Variants in SUMF1 observed in about 807,000 individuals in gnomAD.
SUMF1 encodes sulfatase modifying factor 1.
SUMF1 carries 48 observed loss-of-function variants against 47.6 expected under a neutral mutation model. The ratio of observed to expected loss-of-function variants is 1.01; its 90% CI spans 0.80 to 1.28. The LOEUF is 1.28. SUMF1 is among the 50% of genes most tolerant of loss of function. The pLI, the probability that SUMF1 is intolerant of heterozygous loss-of-function variation, is 0.00. For synonymous variants in SUMF1, 230 were observed against 192.1 expected (o/e 1.20, Z -1.63); for missense variants, 571 against 485.4 (o/e 1.18, Z -1.66).
intron 8 of SUMF1, among the ~76,000 whole-genome samples, chr3:4,233,958 G>A (rs1185858788): frequency 1.3e-5 from 2 of 152,032 alleles, no homozygotes; most frequent in Non-Finnish European, 2.9e-5. Context: ...TACCTAATTA[G>A]CAATTAACTC....
At chr3:4,401,875 T>G (rs1458604776) in intron 7 of SUMF1, among the ~76,000 whole-genome samples, 1 of 152,132 alleles carries the variant, frequency 6.6e-6, no homozygotes, top group Non-Finnish European at 1.5e-5. Flanking sequence ...TGATACACTG[T>G]GAAAAGGTAA....
Position 4,050,796 on chromosome 3 carries a change from AAAAAGAAAAATGTAATGATGT to A in SUMF1, c.1191+17752_1191+17772del, listed in dbSNP as rs541093398. 6.0e-3 allele frequency among the ~76,000 whole-genome samples: 906 copies of A among 151,614 alleles called. 3 individuals carry two copies. The highest frequency in any genetic ancestry group is 0.017 in the South Asian group (83 of 4,812). ...GAAAAAAGAAAAGAAAAAGAAAAAG[AAAAAGAAAAATGTAATGATGT>A]ACATGAAAGCACCCATCATAGGGCC... On this transcript the variant is annotated intron_variant and NMD_transcript_variant, in intron 9 of 12. Transcript: ENST00000448413.
Position 4,218,159 on chromosome 3 carries a change from A to T in SUMF1, c.1015-149414T>A, listed in dbSNP as rs73120074. Among the ~76,000 whole-genome samples the T allele has an allele frequency of 9.2e-3, 1,404 of 152,160 alleles. 23 individuals carry two copies. The highest frequency in any genetic ancestry group is 0.032 in the African/African-American group (1,337 of 41,526). The stretch of plus-strand genomic sequence containing the variant: ...GAAGATCGGGTGAAGACACTGGAAG[A>T]AGGCCATTTATAAGCCAAAGAGAGA... On this transcript the variant is annotated intron_variant and NMD_transcript_variant, in intron 8 of 12. Coordinates refer to the SUMF1 transcript ENST00000448413.
At chr3:4,122,612 A>G (rs752023486) in intron 8 of SUMF1, among the ~76,000 whole-genome samples, 2 of 152,226 alleles carry the variant, frequency 1.3e-5, no homozygotes, top group Non-Finnish European at 2.9e-5. Flanking sequence ...AAAACTGGAC[A>G]TAGGGATGAA....
chr3:4,059,525 T>C (rs1311853621), intron 9 of SUMF1, among the ~76,000 whole-genome samples: 1 of 152,160 alleles, frequency 6.6e-6, no homozygotes, highest in Non-Finnish European at 1.5e-5. Flanking sequence ...CTCTTAAACC[T>C]CTACAGCTGC....
intron 8 of SUMF1, among the ~76,000 whole-genome samples, chr3:4,372,894 C>G (rs1400040707): frequency 6.6e-6 from 1 of 152,120 alleles, no homozygotes; most frequent in African/African-American, 2.4e-5. Flanking sequence ...ACAGATATAA[C>G]CAGACTGATG....
chr3:4,071,426 A>G (rs1419046717), intron 8 of SUMF1, among the ~76,000 whole-genome samples: 1 of 152,150 alleles, frequency 6.6e-6, no homozygotes, highest in Non-Finnish European at 1.5e-5. Context: ...AACAGGAGGA[A>G]CAGTACACTC....
chr3:4,459,446 A>G (rs2079753358), intron 1 of SUMF1, among the ~76,000 whole-genome samples: 1 of 152,242 alleles, frequency 6.6e-6, no homozygotes, highest in Non-Finnish European at 1.5e-5. Context: ...CAGAAGCATT[A>G]GAAAAATAAC....
intron 8 of SUMF1, among the ~76,000 whole-genome samples, chr3:4,258,760 T>C (rs1173522089): frequency 5.0e-4 from 70 of 140,528 alleles, no homozygotes; most frequent in Non-Finnish European, 8.8e-4. Context: ...ATCCCATTAC[T>C]GGGTATATAC....
At chr3:4,239,383 A>G (rs1559600307) in intron 8 of SUMF1, among the ~76,000 whole-genome samples, 1 of 151,988 alleles carries the variant, frequency 6.6e-6, no homozygotes, top group Non-Finnish European at 1.5e-5. Context: ...CATTTTCATG[A>G]TATTGATTAC....
At chr3:4,087,456 G>T (rs1309680447) in intron 8 of SUMF1, among the ~76,000 whole-genome samples, 1 of 152,102 alleles carries the variant, frequency 6.6e-6, no homozygotes, top group Non-Finnish European at 1.5e-5. Context: ...CTCAGTAAAA[G>T]GCAGTCAGTC....
At chr3:4,338,096 T>G (rs1329795465) in intron 8 of SUMF1, among the ~76,000 whole-genome samples, 2 of 152,204 alleles carry the variant, frequency 1.3e-5, no homozygotes, top group African/African-American at 4.8e-5. Context: ...ATTGACTATT[T>G]TGAGTAGTAA....
intron 8 of SUMF1, among the ~76,000 whole-genome samples, chr3:4,077,825 A>C (rs1692473382): frequency 6.6e-6 from 1 of 152,116 alleles, no homozygotes; most frequent in South Asian, 2.1e-4. Flanking sequence ...CTGGCATTAA[A>C]CTATATAAGA....
intron 8 of SUMF1, among the ~76,000 whole-genome samples, chr3:4,270,543 G>T (rs1697283297): frequency 6.6e-6 from 1 of 151,974 alleles, no homozygotes; most frequent in Non-Finnish European, 1.5e-5. Flanking sequence ...AATTCTTAAG[G>T]ATTCTGCCAT....
chr3:4,038,754 G>A (rs1449523279), intron 9 of SUMF1, among the ~76,000 whole-genome samples: 1 of 152,208 alleles, frequency 6.6e-6, no homozygotes, highest in Non-Finnish European at 1.5e-5. Flanking sequence ...TGTGGCAGTG[G>A]AAGAGAGGCA....
In SUMF1 at chr3:4,051,881, C is replaced by T. The variant is rs570731805; in HGVS notation, c.1191+16688G>A. On this transcript the variant is annotated intron_variant and NMD_transcript_variant, in intron 9 of 12. Coordinates refer to the SUMF1 transcript ENST00000448413. The stretch of plus-strand genomic sequence containing the variant: ...CCTGCAGCCTAAGTGGTAAACCGGT[C>T]TGAGTAAGGTCAGTACTGCACTTTA... 2.8e-4 allele frequency among the ~76,000 whole-genome samples: 43 copies of T among 152,256 alleles called. 2 individuals carry two copies. In the South Asian group the frequency reaches 8.9e-3, roughly 32 times the overall value.
At chr3:4,275,178 T>C (rs1355321063) in intron 8 of SUMF1, among the ~76,000 whole-genome samples, 1 of 152,118 alleles carries the variant, frequency 6.6e-6, no homozygotes, top group East Asian at 1.9e-4. Context: ...AAAGACCTGA[T>C]CGTGGTAGAA....
At chr3:4,228,203 A>T (rs1696216315) in intron 8 of SUMF1, among the ~76,000 whole-genome samples, 1 of 152,104 alleles carries the variant, frequency 6.6e-6, no homozygotes, top group Non-Finnish European at 1.5e-5. Flanking sequence ...TCTTCAGTTT[A>T]TCTTATGATT....
At chr3:4,147,832 A>C (rs921813009) in intron 8 of SUMF1, among the ~76,000 whole-genome samples, 1 of 152,120 alleles carries the variant, frequency 6.6e-6, no homozygotes, top group Non-Finnish European at 1.5e-5. Context: ...TCCTATAATA[A>C]GCAATAATTT....
Sources: allele counts gnomAD v4.1 joint callset (sites outside exome capture counted in the v4.1 genomes callset), GRCh38; gene constraint gnomAD v4.1.1; transcripts MANE v1.5; gene names NCBI Gene and HGNC (gene_info 2026-07-23, HGNC 2026-07-21).